DNM3: variants seen among roughly 807,000 people sequenced by gnomAD.
DNM3 encodes dynamin-3.
In DNM3, 47 loss-of-function variants were observed where a neutral mutation model predicts 101.6. The observed-to-expected ratio is 0.46, with a 90% CI of 0.37 to 0.59. DNM3 has a LOEUF of 0.59. Among genes scored for constraint, DNM3 ranks in the 20% least tolerant of loss-of-function variants. The pLI, the probability that DNM3 is intolerant of heterozygous loss-of-function variation, is 0.00. For synonymous variants in DNM3, 385 were observed against 387.9 expected, an observed-to-expected ratio of 0.99 and a Z score of 0.09; for missense variants, 849 against 1,085.7, an observed-to-expected ratio of 0.78 and a Z score of 3.06.
chr1:172,104,715 A>G (rs1480048915), intron 13 of DNM3, among the ~76,000 whole-genome samples: 2 of 152,232 alleles, frequency 1.3e-5, no homozygotes, highest in Admixed American at 1.3e-4. Flanking sequence ...ATTTACATTT[A>G]GAAAGGTGGT....
chr1:172,126,887 G>T (rs564318852), intron 13 of DNM3, among the ~76,000 whole-genome samples: 111 of 151,982 alleles, frequency 7.3e-4, no homozygotes, highest in Non-Finnish European at 8.7e-4. Context: ...CTGTACTTAG[G>T]TCACCCGGAT....
At chr1:172,386,082 T>C (rs1558072953) in intron 18 of DNM3, among the ~76,000 whole-genome samples, 1 of 152,238 alleles carries the variant, frequency 6.6e-6, no homozygotes. Flanking sequence ...GGAATACTAA[T>C]ACATGTTTCT....
At chr1:172,338,688 C>T (rs528396926) in intron 17 of DNM3, 26 of 360,740 alleles carry the variant, frequency 7.2e-5, no homozygotes, top group Middle Eastern at 1.2e-3. Flanking sequence ...CCACCAGGTG[C>T]GCCCTGAGAG....
chr1:172,024,679 T>C (rs2125766195), intron 4 of DNM3, among the ~76,000 whole-genome samples: 1 of 152,228 alleles, frequency 6.6e-6, no homozygotes, highest in South Asian at 2.1e-4. Flanking sequence ...GGGTGTTGCC[T>C]CACCTGGGAA....
At chr1:172,235,935 T>C (rs1284878693) in intron 14 of DNM3, among the ~76,000 whole-genome samples, 2 of 152,110 alleles carry the variant, frequency 1.3e-5, no homozygotes, top group Admixed American at 6.6e-5. Flanking sequence ...ACATGACACA[T>C]GTATACATAT....
At chr1:172,224,039 TA>T (rs1167600969) in intron 14 of DNM3, among the ~76,000 whole-genome samples, 1 of 152,198 alleles carries the variant, frequency 6.6e-6, no homozygotes, top group Non-Finnish European at 1.5e-5. Context: ...CCAAACTTCT[TA>T]GTTTAGTGTT....
At chr1:172,123,936 C>T (rs1392732750) in intron 13 of DNM3, among the ~76,000 whole-genome samples, 1 of 152,158 alleles carries the variant, frequency 6.6e-6, no homozygotes, top group Non-Finnish European at 1.5e-5. Context: ...CTAATCATGG[C>T]TCCTATGGGC....
intron 14 of DNM3, chr1:172,137,317 TTTTA>T (rs745493735): frequency 1.3e-5 from 2 of 152,208 alleles, no homozygotes; most frequent in Non-Finnish European, 2.9e-5. Flanking sequence ...GTAATGGGAC[TTTTA>T]TTTAAGGCAA....
At chr1:172,195,796 T>C (rs910918212) in intron 14 of DNM3, among the ~76,000 whole-genome samples, 2 of 151,974 alleles carry the variant, frequency 1.3e-5, no homozygotes, top group Admixed American at 1.3e-4. Context: ...GTAATTCTTT[T>C]TATGTATTTT....
At chr1:172,368,052 C>G (rs1033057440) in intron 17 of DNM3, among the ~76,000 whole-genome samples, 1 of 151,844 alleles carries the variant, frequency 6.6e-6, no homozygotes, top group Non-Finnish European at 1.5e-5. Flanking sequence ...CCACTCTCAG[C>G]ATTGCATAGA....
At chr1:172,265,776 G>A (rs533172047) in intron 15 of DNM3, among the ~76,000 whole-genome samples, 59 of 152,268 alleles carry the variant, frequency 3.9e-4, no homozygotes, top group Middle Eastern at 3.4e-3. Flanking sequence ...TCATGCTAAG[G>A]CCCATTTGGT....
intron 2 of DNM3, among the ~76,000 whole-genome samples, chr1:171,985,427 A>G (rs570798278): frequency 3.9e-5 from 6 of 152,190 alleles, no homozygotes; most frequent in Non-Finnish European, 8.8e-5. Flanking sequence ...TCTTCTGGGA[A>G]TTTATATTCT....
intron 1 of DNM3, among the ~76,000 whole-genome samples, chr1:171,891,132 T>C (rs2037232451): frequency 6.6e-6 from 1 of 152,154 alleles, no homozygotes. Context: ...AGCATCAAAG[T>C]GAAAAGGCTG....
At chr1:172,312,602 C>CAAGAA (rs2148883557) in intron 16 of DNM3, among the ~76,000 whole-genome samples, 1 of 152,214 alleles carries the variant, frequency 6.6e-6, no homozygotes, top group Non-Finnish European at 1.5e-5. Flanking sequence ...TTTCTTTTGT[C>CAAGAA]TCTTAAGTTA....
chr1:172,097,637 A>C (rs2054333978), intron 13 of DNM3, among the ~76,000 whole-genome samples: 1 of 152,178 alleles, frequency 6.6e-6, no homozygotes, highest in East Asian at 1.9e-4. Context: ...AAGAACTGGA[A>C]CTGAATGGGG....
chr1:171,878,645 G>A (rs2035991193), intron 1 of DNM3, among the ~76,000 whole-genome samples: 1 of 152,024 alleles, frequency 6.6e-6, no homozygotes, highest in Non-Finnish European at 1.5e-5. Flanking sequence ...GCTACCCAGT[G>A]GAGAGCCAGG....
chr1:172,256,392 A>T (rs1379023449), intron 15 of DNM3, among the ~76,000 whole-genome samples: 1 of 151,970 alleles, frequency 6.6e-6, no homozygotes, highest in Admixed American at 6.6e-5. Context: ...ATGATTTCAG[A>T]TTTATTTAGG....
chr1:172,325,506 T>C (rs1474904512), intron 17 of DNM3, among the ~76,000 whole-genome samples: 1 of 147,128 alleles, frequency 6.8e-6, no homozygotes, highest in African/African-American at 2.6e-5. Flanking sequence ...AATATGATCA[T>C]TATACTGACC....
intron 12 of DNM3, among the ~76,000 whole-genome samples, chr1:172,089,223 A>C (rs1171148453): frequency 6.6e-6 from 1 of 152,218 alleles, no homozygotes; most frequent in African/African-American, 2.4e-5. Context: ...GTGTATGCAT[A>C]TCATTACTTG....
Sources: allele counts gnomAD v4.1 joint callset (sites outside exome capture counted in the v4.1 genomes callset), GRCh38; gene constraint gnomAD v4.1.1; transcripts MANE v1.5; gene names NCBI Gene and HGNC (gene_info 2026-07-23, HGNC 2026-07-21).